Variants in FLI1 observed in about 807,000 individuals in gnomAD.
FLI1 encodes Fli-1 proto-oncogene, ETS transcription factor.
A neutral mutation model predicts 53.1 loss-of-function variants in FLI1; 13 were observed. The observed-to-expected ratio is 0.24, with a 90% CI of 0.16 to 0.39. The LOEUF is 0.39. Among genes scored for constraint, FLI1 ranks in the 10% least tolerant of loss-of-function variants. The pLI is 1.00. For synonymous variants in FLI1, 244 were observed against 236.7 expected, an observed-to-expected ratio of 1.03 and a Z score of -0.28; for missense variants, 424 against 600.5, an observed-to-expected ratio of 0.71 and a Z score of 3.07.
chr11:128,757,044 TTTTCTTTCTTTCTTTCTTTC>T lies in FLI1; in HGVS notation c.19-1021_19-1002del, dbSNP rs147249846. Among the ~76,000 whole-genome samples the T allele has an allele frequency of 1.9e-3, 204 of 107,112 alleles. 2 individuals are homozygous for T. The highest frequency in any genetic ancestry group is 4.4e-3 in the South Asian group (13 of 2,950). The allele number at this position is 107,112 out of a possible 152,430, so 70.3% of individuals were successfully genotyped here. On this transcript the variant is annotated intron_variant, in intron 1 of 8. Coordinates refer to ENST00000527786, the MANE Select transcript of FLI1 (RefSeq NM_002017.5). ...CACATGCCACCATATCTAGCTAATT[TTTTCTTTCTTTCTTTCTTTC>T]TTTCTTTCTTTCTTTCTTTCTTTCT... is the stretch of plus-strand genomic sequence containing the variant.
chr11:128,810,458 G>A lies in FLI1; in HGVS notation c.830-1G>A. 6.3e-7 allele frequency: 1 copy of A among 1,589,780 alleles called. No homozygotes were observed. Among genetic ancestry groups the A allele is most frequent in the Non-Finnish European group, 8.6e-7 (1 of 1,167,564 alleles). ...TCTCCCGTTTGCCTCACGGCGTGCA[G>A]GAAGCGGGCAGATCCAGCTGTGGCA... On this transcript the variant is annotated splice_acceptor_variant, in intron 8 of 8. Transcript: ENST00000527786. LOFTEE classifies it high-confidence loss of function. The surrounding 1 kb of genome is among the most constrained non-coding windows in gnomAD (Gnocchi z 6.6).
intron 1 of FLI1, among the ~76,000 whole-genome samples, chr11:128,738,717 A>G (rs948220433): frequency 1.3e-5 from 2 of 152,244 alleles, no homozygotes; most frequent in Non-Finnish European, 2.9e-5. Context: ...TGCAATGACT[A>G]AGAGCGCTTT....
At chr11:128,789,486 G>T (rs1942200773) in intron 5 of FLI1, among the ~76,000 whole-genome samples, 2 of 152,150 alleles carry the variant, frequency 1.3e-5, no homozygotes, top group South Asian at 4.1e-4. Flanking sequence ...GGGGCCTCAG[G>T]GTTCATTAGA....
chr11:128,786,712 C>T (rs925729206), intron 5 of FLI1, among the ~76,000 whole-genome samples: 1 of 152,352 alleles, frequency 6.6e-6, no homozygotes, highest in East Asian at 1.9e-4. Context: ...CCAGCACACT[C>T]AGCTGGCCCA....
chr11:128,788,636 C>T (rs1942173326), intron 5 of FLI1, among the ~76,000 whole-genome samples: 3 of 152,162 alleles, frequency 2.0e-5, no homozygotes, highest in Admixed American at 2.0e-4. Context: ...AACATCTCCT[C>T]CAAATCCCTT....
At chr11:128,708,242 T>A (rs1938636533) in intron 1 of FLI1, among the ~76,000 whole-genome samples, 1 of 152,322 alleles carries the variant, frequency 6.6e-6, no homozygotes, top group African/African-American at 2.4e-5. Flanking sequence ...TGTGGTCAGT[T>A]ACCATCGACA....
At chr11:128,748,240 T>C (rs1940490001) in intron 1 of FLI1, 2 of 983,800 alleles carry the variant, frequency 2.0e-6, no homozygotes, top group African/African-American at 3.5e-5. Flanking sequence ...CTTCTAGGAA[T>C]TCTTTCTCTG....
intron 5 of FLI1, among the ~76,000 whole-genome samples, chr11:128,803,272 A>G (rs1046709014): frequency 2.0e-5 from 3 of 152,120 alleles, no homozygotes; most frequent in African/African-American, 7.2e-5. Context: ...CCTGTTTTCT[A>G]GCATGGCTGC....
At chr11:128,771,688 C>T (rs550261304) in intron 3 of FLI1, among the ~76,000 whole-genome samples, 1 of 152,292 alleles carries the variant, frequency 6.6e-6, no homozygotes, top group East Asian at 1.9e-4. Flanking sequence ...GGCCGACTTA[C>T]AATAAAATGC....
chr11:128,717,977 C>G (rs994527462), intron 1 of FLI1, among the ~76,000 whole-genome samples: 4 of 152,188 alleles, frequency 2.6e-5, no homozygotes, highest in Non-Finnish European at 5.9e-5. Flanking sequence ...TAAGGTGTTG[C>G]TGGGGATGTT....
At chr11:128,799,597 A>G (rs1469435191) in intron 5 of FLI1, among the ~76,000 whole-genome samples, 1 of 152,186 alleles carries the variant, frequency 6.6e-6, no homozygotes, top group Non-Finnish European at 1.5e-5. Context: ...TCGAAGTCCT[A>G]TCTCCTAACT....
chr11:128,697,391 C>A (rs1295050599), intron 1 of FLI1, among the ~76,000 whole-genome samples: 2 of 152,194 alleles, frequency 1.3e-5, no homozygotes, highest in African/African-American at 4.8e-5. Context: ...CTCAGCTCTG[C>A]TACCTAGTAG....
chr11:128,772,079 TACACACA>T (rs1941586463), intron 3 of FLI1, among the ~76,000 whole-genome samples: 1 of 86,440 alleles, frequency 1.2e-5, no homozygotes, highest in African/African-American at 4.6e-5. Flanking sequence ...CACACACACA[TACACACA>T]CTGAGAAGGA....
chr11:128,769,826 G>C (rs1941487867), intron 3 of FLI1, among the ~76,000 whole-genome samples: 1 of 152,210 alleles, frequency 6.6e-6, no homozygotes, highest in South Asian at 2.1e-4. Context: ...CAGGAGACCA[G>C]CTAGTAATGT....
chr11:128,786,567 T>C (rs1378059178), intron 5 of FLI1, among the ~76,000 whole-genome samples: 1 of 152,120 alleles, frequency 6.6e-6, no homozygotes, highest in East Asian at 1.9e-4. Context: ...TGTGTAAGAG[T>C]CCTGGAGCCA....
At chr11:128,752,697 T>TA (rs1940699867) in intron 1 of FLI1, among the ~76,000 whole-genome samples, 2 of 152,200 alleles carry the variant, frequency 1.3e-5, no homozygotes, top group African/African-American at 4.8e-5. Flanking sequence ...TTCCATTTTC[T>TA]CATCTGAAAA....
chr11:128,686,710 T>C (rs1158938357), intron 1 of FLI1: 2 of 339,398 alleles, frequency 5.9e-6, no homozygotes, highest in Non-Finnish European at 1.2e-5. Context: ...AGGTAAGACA[T>C]GGCAGCGTCT....
chr11:128,773,919 A>T (rs1397993712), intron 4 of FLI1, among the ~76,000 whole-genome samples: 2 of 151,918 alleles, frequency 1.3e-5, no homozygotes, highest in African/African-American at 2.4e-5. Flanking sequence ...CAGCCTTGAG[A>T]TGCTATTTGT....
At chr11:128,800,639 C>A (rs1208720889) in intron 5 of FLI1, among the ~76,000 whole-genome samples, 1 of 152,200 alleles carries the variant, frequency 6.6e-6, no homozygotes, top group Non-Finnish European at 1.5e-5. Context: ...GGAAAAAAAT[C>A]TCCATGCTCA....
Sources: gnomAD v4.1 joint callset for allele counts (sites outside exome capture counted in the v4.1 genomes callset) on GRCh38, gnomAD v4.1.1 for gene constraint, Gnocchi (gnomAD v3.1) non-coding constraint, MANE v1.5 for transcripts, NCBI Gene and HGNC (gene_info 2026-07-23, HGNC 2026-07-21) for gene names.